Variants in DAB1 observed in about 807,000 individuals in gnomAD.
The protein encoded by DAB1 is DAB adaptor protein 1, also known as disabled homolog 1.
In DAB1, 15 loss-of-function variants were observed where a neutral mutation model predicts 64.6. The observed-to-expected ratio is 0.23, with a 90% CI of 0.16 to 0.36. The LOEUF is 0.36. DAB1 is among the 10% of genes least tolerant of loss of function. The pLI, the probability that DAB1 is intolerant of heterozygous loss-of-function variation, is 1.00. For synonymous variants in DAB1, 235 were observed against 251.9 expected (o/e 0.93, Z 0.64); for missense variants, 596 against 706.7 (o/e 0.84, Z 1.78).
chr1:57,977,907 A>G (rs796959905), intron 5 of DAB1, among the ~76,000 whole-genome samples: 9 of 152,334 alleles, frequency 5.9e-5, no homozygotes, highest in African/African-American at 2.2e-4. Flanking sequence ...GCTCAACGAA[A>G]TAAGAGAGGA....
At chr1:58,188,515 A>G (rs969223870) in intron 4 of DAB1, among the ~76,000 whole-genome samples, 9 of 152,210 alleles carry the variant, frequency 5.9e-5, no homozygotes, top group Non-Finnish European at 1.3e-4. Context: ...TCTGAGTGGA[A>G]GCTAAATCGT....
At chr1:57,556,114 C>A (rs1644985336) in intron 7 of DAB1, among the ~76,000 whole-genome samples, 1 of 152,068 alleles carries the variant, frequency 6.6e-6, no homozygotes, top group South Asian at 2.1e-4. Context: ...TATTTCATTC[C>A]TTTTTATGAC....
intron 3 of DAB1, among the ~76,000 whole-genome samples, chr1:58,448,710 G>A (rs1645099302): frequency 6.6e-6 from 1 of 152,144 alleles, no homozygotes; most frequent in Non-Finnish European, 1.5e-5. Context: ...CTATAACTAG[G>A]GATCCCATTA....
Position 58,215,406 on chromosome 1 carries a change from T to G in DAB1, n.310-64818A>C, listed in dbSNP as rs575280959. ...CTGGTCCACTCCATGATAGTGTTTTTTTTTTTTTTTTTACCGTATTAATAT... is the reference window on the plus strand; with the variant it reads ...CTGGTCCACTCCATGATAGTGTTTTGTTTTTTTTTTTTACCGTATTAATAT... On this transcript the variant is annotated intron_variant and non_coding_transcript_variant, in intron 4 of 20. Coordinates refer to the DAB1 transcript ENST00000485760. 2.4e-3 allele frequency among the ~76,000 whole-genome samples: 356 copies of G among 150,528 alleles called. 2 individuals carry two copies. The highest frequency in any genetic ancestry group is 7.1e-3 in the South Asian group (34 of 4,776).
intron 5 of DAB1, among the ~76,000 whole-genome samples, chr1:58,030,493 TAAA>T (rs1646956379): frequency 6.6e-6 from 1 of 152,220 alleles, no homozygotes; most frequent in Non-Finnish European, 1.5e-5. Flanking sequence ...AGCCACAGAT[TAAA>T]CAAGATTTAG....
At chr1:57,079,087 C>T (rs996237615) in intron 4 of DAB1, among the ~76,000 whole-genome samples, 2 of 152,018 alleles carry the variant, frequency 1.3e-5, no homozygotes, top group South Asian at 2.1e-4. Context: ...TTACAAAATA[C>T]TATGTTCAAT....
chr1:57,275,360 A>C (rs1443236292), intron 2 of DAB1, among the ~76,000 whole-genome samples: 2 of 152,240 alleles, frequency 1.3e-5, no homozygotes, highest in Admixed American at 6.5e-5. Flanking sequence ...CCAGACAGAG[A>C]GGGCGGCAGT....
intron 3 of DAB1, among the ~76,000 whole-genome samples, chr1:58,403,592 G>T (rs1010374018): frequency 6.6e-6 from 1 of 152,108 alleles, no homozygotes; most frequent in Non-Finnish European, 1.5e-5. Context: ...ACTAGCTGTG[G>T]AATTTGAGCA....
chr1:58,068,349 A>G (rs944836235), intron 5 of DAB1, among the ~76,000 whole-genome samples: 24 of 152,200 alleles, frequency 1.6e-4, no homozygotes, highest in Non-Finnish European at 1.2e-4. Context: ...TAATTCACCT[A>G]TATATAGCGG....
At chr1:57,434,472 C>T (rs1272602560) in intron 7 of DAB1, among the ~76,000 whole-genome samples, 3 of 152,132 alleles carry the variant, frequency 2.0e-5, no homozygotes, top group Non-Finnish European at 4.4e-5. Context: ...ATATTAGTTG[C>T]CTCAGTGGAG....
intron 1 of DAB1, among the ~76,000 whole-genome samples, chr1:57,861,847 A>G (rs1166279135): frequency 1.3e-5 from 2 of 151,238 alleles, no homozygotes; most frequent in Non-Finnish European, 2.9e-5. Flanking sequence ...TGTCATTATT[A>G]TCTCCTACCA....
intron 4 of DAB1, among the ~76,000 whole-genome samples, chr1:58,266,619 C>A (rs1008154179): frequency 6.6e-6 from 1 of 152,168 alleles, no homozygotes; most frequent in African/African-American, 2.4e-5. Flanking sequence ...CCCTTTATCC[C>A]AGGCTCTGAT....
chr1:57,230,175 G>T (rs1006064733), intron 2 of DAB1, among the ~76,000 whole-genome samples: 7 of 152,092 alleles, frequency 4.6e-5, no homozygotes, highest in African/African-American at 1.7e-4. Context: ...CTCTCATTCT[G>T]ACTTCTTATG....
At chr1:57,796,419 C>A (rs1650867525) in intron 6 of DAB1, among the ~76,000 whole-genome samples, 1 of 151,754 alleles carries the variant, frequency 6.6e-6, no homozygotes, top group African/African-American at 2.4e-5. Context: ...CCCAACTACT[C>A]GGGAGGCTGA....
chr1:57,247,640 G>A (rs577948967), intron 2 of DAB1, among the ~76,000 whole-genome samples: 1 of 152,260 alleles, frequency 6.6e-6, no homozygotes, highest in South Asian at 2.1e-4. Context: ...AACCCCTAAG[G>A]GCACAGCTCT....
At chr1:57,265,633 C>G (rs1670529563) in intron 2 of DAB1, among the ~76,000 whole-genome samples, 1 of 152,122 alleles carries the variant, frequency 6.6e-6, no homozygotes, top group African/African-American at 2.4e-5. Flanking sequence ...AGGGGTTTGG[C>G]TTTAGTCAAG....
intron 7 of DAB1, among the ~76,000 whole-genome samples, chr1:57,542,932 G>T (rs887663619): frequency 6.6e-6 from 1 of 152,118 alleles, no homozygotes; most frequent in Non-Finnish European, 1.5e-5. Flanking sequence ...CACTTGCTCT[G>T]GGGGGAAGCC....
At chr1:58,241,307 TAAATGAAA>T (rs1471648338) in intron 4 of DAB1, among the ~76,000 whole-genome samples, 7 of 135,970 alleles carry the variant, frequency 5.1e-5, no homozygotes, top group African/African-American at 2.1e-4. Context: ...AATCCATTGT[TAAATGAAA>T]TACATTTGGA....
chr1:57,664,126 G>GA (rs953162304), intron 6 of DAB1, among the ~76,000 whole-genome samples: 2 of 151,494 alleles, frequency 1.3e-5, no homozygotes, highest in African/African-American at 2.4e-5. Context: ...TTAAATGGGG[G>GA]AAAAAAAAGG....
Sources: gnomAD v4.1 joint callset for allele counts (sites outside exome capture counted in the v4.1 genomes callset) on GRCh38, gnomAD v4.1.1 for gene constraint, MANE v1.5 for transcripts, NCBI Gene and HGNC (gene_info 2026-07-23, HGNC 2026-07-21) for gene names.